The following MAPK7 variants were observed in gnomAD, a reference collection of about 807,000 sequenced individuals.
The protein encoded by MAPK7 is mitogen-activated protein kinase 7.
A neutral mutation model predicts 56.9 loss-of-function variants in MAPK7; 30 were observed. That is an observed-to-expected ratio of 0.53 (90% CI 0.39 to 0.72). MAPK7 has a LOEUF of 0.72. Among genes scored for constraint, MAPK7 ranks in the 30% least tolerant of loss-of-function variants. The pLI is 0.00. For missense variants in MAPK7, 952 were observed against 1,110.8 expected, an observed-to-expected ratio of 0.86 and a Z score of 2.03; for synonymous variants, 516 against 449.3, an observed-to-expected ratio of 1.15 and a Z score of -1.88.
At chr17:19,377,867 C>T, upstream of MAPK7, 1 of 985,400 alleles carries the variant, frequency 1.0e-6, no homozygotes, top group Non-Finnish European at 1.2e-6. Flanking sequence ...ACCTAGAAGC[C>T]AGGAAACCGC....
Position 19,381,875 on chromosome 17 carries a change from G to T in MAPK7, c.1572G>T (p.Arg524=), listed in dbSNP as rs1409964237. The T allele has an allele frequency of 6.4e-7, 1 of 1,574,402 alleles. No individual in the cohort carries two copies. Among genetic ancestry groups the T allele is most frequent in the East Asian group, 2.3e-5 (1 of 43,090 alleles). Residue 524 remains arginine, a synonymous_variant, in exon 5 of 7, where the codon CGG becomes CGT. Coordinates refer to ENST00000395604, the MANE Select transcript of MAPK7 (RefSeq NM_002749.4). This position sits in a 1 kb window ranked among gnomAD's most constrained non-coding sequence, Gnocchi z 4.6. ...AGCGGGAGGAGAAGCGGCGGAGGCG[G>T]CAAGAACGAGCCAAGGAGCGGGAGA... ...QREREEKRRR[R]QERAKEREKR...
At position 19,380,896 on chromosome 17, in the gene MAPK7, G is replaced by A. The variant is rs1181385556; in HGVS notation, c.687G>A (p.Ala229=). The A allele has an allele frequency of 8.7e-6, 14 of 1,614,026 alleles. No individual in the cohort carries two copies. Among genetic ancestry groups the A allele is most frequent in the African/African-American group, 1.3e-5 (1 of 74,922 alleles). The change falls in exon 4 of 7, where the codon GCG becomes GCA. Residue 229 remains alanine (A), a synonymous_variant. Coordinates refer to ENST00000395604, the MANE Select transcript of MAPK7 (RefSeq NM_002749.4). ...TEYVATRWYR[A]PELMLSLHEY... ...ATGTGGCCACGCGCTGGTACCGTGCGCCCGAGCTCATGCTCTCTTTGCATG... is the reference window on the plus strand; with the variant it reads ...ATGTGGCCACGCGCTGGTACCGTGCACCCGAGCTCATGCTCTCTTTGCATG...
At chr17:19,378,156 A>T (rs1247488773), upstream of MAPK7, 1 of 976,674 alleles carries the variant, frequency 1.0e-6, no homozygotes, top group Non-Finnish European at 1.2e-6. The surrounding 1 kb of genome is among the most constrained non-coding windows in gnomAD (Gnocchi z 5.4). Flanking sequence ...AGCTCACGGG[A>T]CTAGCTGTGA....
chr17:19,381,250 G>A lies in MAPK7; in HGVS notation c.1041G>A (p.Leu347=), dbSNP rs1912631739. 6.2e-7 allele frequency: 1 copy of A among 1,613,946 alleles called. No individual in the cohort carries two copies. ...CTGCTGCCCTTCGCCACCCTTTCCT[G>A]GCCAAGTACCATGATCCTGATGATG... ...SAAAALRHPF[L]AKYHDPDDEP... The change falls in exon 4 of 7, where the codon CTG becomes CTA. Residue 347 remains leucine, a synonymous_variant. Coordinates refer to ENST00000395604, the MANE Select transcript of MAPK7 (RefSeq NM_002749.4). The surrounding 1 kb of genome is among the most constrained non-coding windows in gnomAD (Gnocchi z 4.6).
At chr17:19,378,446 C>T (rs1205370675), upstream of MAPK7, 47 of 1,014,486 alleles carry the variant, frequency 4.6e-5, no homozygotes, top group Non-Finnish European at 5.5e-5. This position sits in a 1 kb window ranked among gnomAD's most constrained non-coding sequence, Gnocchi z 5.4. Context: ...CAGCGATTGG[C>T]CAGGAGCTGG....
upstream of MAPK7, chr17:19,378,351 C>G (rs566544947): frequency 3.7e-5 from 37 of 988,858 alleles, no homozygotes; most frequent in African/African-American, 5.2e-4. This position sits in a 1 kb window ranked among gnomAD's most constrained non-coding sequence, Gnocchi z 5.4. Flanking sequence ...TGGACAGCGG[C>G]GCGCGCCAGG....
Position 19,383,461 on chromosome 17 carries a change from TTTA to T in MAPK7, c.*241_*243del, listed in dbSNP as rs902261117. The T allele has an allele frequency of 2.6e-5, 10 of 388,686 alleles. No homozygotes were observed. The highest frequency in any genetic ancestry group is 4.1e-5 in the African/African-American group (2 of 48,238). 24.1% of individuals were successfully genotyped at this position (388,686 alleles called of 1,614,324 possible). A position where few individuals can be genotyped will look rare whatever the true frequency, so the allele number is the denominator to read the frequency against. ...GAACAATCCTTTTCAGTATTATATT[TTTA>T]TTATTATTATGTTATTATTACACTG... On this transcript the variant is annotated 3_prime_UTR_variant, in exon 7 of 7. Coordinates refer to ENST00000395604, the MANE Select transcript of MAPK7 (RefSeq NM_002749.4).
In MAPK7 at chr17:19,381,473, C is replaced by G; in HGVS notation, c.1264C>G (p.Pro422Ala). The change falls in exon 4 of 7, where the codon CCC becomes GCC. Residue 422 changes from proline (P) to alanine (A), a missense_variant. Coordinates refer to ENST00000395604, the MANE Select transcript of MAPK7 (RefSeq NM_002749.4). The surrounding 1 kb of genome is among the most constrained non-coding windows in gnomAD (Gnocchi z 4.6). ...CTGTCCAGATGTTGAAATGCCCAGT[C>G]CCTGGGCTCCCAGTGGGGACTGTGC... ...PGCPDVEMPS[P>A]WAPSGDCAME... The G allele has an allele frequency of 1.9e-6, 3 of 1,614,084 alleles. No individual in the cohort carries two copies. The highest frequency in any genetic ancestry group is 1.7e-6 in the Non-Finnish European group (2 of 1,180,010).
Position 19,380,913 on chromosome 17 carries a change from C to T in MAPK7, c.704C>T (p.Ser235Phe), listed in dbSNP as rs754667613. 6 of 1,614,086 alleles carry T rather than the reference C, an allele frequency of 3.7e-6. No individual in the cohort carries two copies. Among genetic ancestry groups the T allele is most frequent in the East Asian group, 2.2e-5 (1 of 44,900 alleles). The change falls in exon 4 of 7, where the codon TCT becomes TTT. Residue 235 changes from serine to phenylalanine, a missense_variant. By Grantham distance (155) the Ser-to-Phe change is radical. This residue lies in a region of MAPK7 where 429 missense variants were observed against 533.0 expected (regional missense o/e 0.80). Transcript: ENST00000395604. The stretch of plus-strand genomic sequence containing the variant: ...TACCGTGCGCCCGAGCTCATGCTCT[C>T]TTTGCATGAGTATACACAGGCTATT... The part of the protein sequence containing the change: ...RWYRAPELML[S>F]LHEYTQAIDL...
intron 2 of MAPK7, 87 bp from the exon 3 acceptor site, chr17:19,379,695 C>T (rs182896404): frequency 9.7e-5 from 122 of 1,259,126 alleles, no homozygotes; most frequent in Middle Eastern, 6.6e-4. Context: ...CATTTGCATC[C>T]TAGAAGGGAG....
rs1235698924 is a variant in MAPK7 at position 19,380,585 on chromosome 17, TCTCTC to T, written c.399-20_399-16del. ...GAGTGTGATCAGGCCAACCCATGCT[TCTCTC>T]CTTCCTTCCCCTTCCAGCTACGTGG... On this transcript the variant is annotated intron_variant, in intron 3 of 6. Coordinates refer to ENST00000395604, the MANE Select transcript of MAPK7 (RefSeq NM_002749.4). 1.9e-6 allele frequency: 3 copies of T among 1,571,828 alleles called. No individual in the cohort carries two copies. The highest frequency in any genetic ancestry group is 2.4e-5 in the South Asian group (2 of 84,764).
Position 19,380,437 on chromosome 17 carries a change from G to A in MAPK7, c.399-171G>A, listed in dbSNP as rs149698487. On this transcript the variant is annotated intron_variant, in intron 3 of 6. Coordinates refer to ENST00000395604, the MANE Select transcript of MAPK7 (RefSeq NM_002749.4). ...ATTTAACCAAGTTCATGGAAAAGTCGTAGAGAATCTAAAACGTGATGCTCT... is the reference window on the plus strand; with the variant it reads ...ATTTAACCAAGTTCATGGAAAAGTCATAGAGAATCTAAAACGTGATGCTCT... 1.4e-4 allele frequency: 198 copies of A among 1,406,870 alleles called. No individual in the cohort carries two copies. In the African/African-American group the frequency reaches 2.6e-3, roughly 19 times the overall value. 87.1% of individuals were successfully genotyped at this position (1,406,870 alleles called of 1,614,324 possible).
At chr17:19,377,759 C>G, upstream of MAPK7, 1 of 899,386 alleles carries the variant, frequency 1.1e-6, no homozygotes, top group Non-Finnish European at 1.3e-6. Flanking sequence ...CACCCGCGGG[C>G]TCCGCAGAGG....
chr17:19,382,414 T>A lies in MAPK7; in HGVS notation c.2111T>A (p.Met704Lys). The change falls in exon 5 of 7, where the codon ATG becomes AAG. Residue 704 changes from methionine (M) to lysine (K), a missense_variant. Coordinates refer to ENST00000395604, the MANE Select transcript of MAPK7 (RefSeq NM_002749.4). Reference sequence around the variant, plus strand: ...GCCGGGGGAGCCCCTCAGTCTTCCATGTCAGAGTCACCTGATGTCAACCTT... The same window carrying A: ...GCCGGGGGAGCCCCTCAGTCTTCCAAGTCAGAGTCACCTGATGTCAACCTT... ...PDAGGAPQSS[M>K]SESPDVNLVT... 6.2e-7 allele frequency: 1 copy of A among 1,611,820 alleles called. No homozygotes were observed. Among genetic ancestry groups the A allele is most frequent in the East Asian group, 2.2e-5 (1 of 44,866 alleles).
Position 19,382,463 on chromosome 17 carries a change from A to C in MAPK7, c.2160A>C (p.Ser720=). ...VNLVTQQLSK[S]QVEDPLPPVF... ...TTGTGACCCAGCAGCTATCTAAGTC[A>C]CAGGTGAGAGGGAGGCCCAGGCCAT... The change falls in exon 5 of 7, where the codon TCA becomes TCC. Residue 720 remains serine (S), a synonymous_variant. Coordinates refer to ENST00000395604, the MANE Select transcript of MAPK7 (RefSeq NM_002749.4). The C allele has an allele frequency of 6.3e-7, 1 of 1,588,522 alleles. No homozygotes were observed.
chr17:19,382,533 G>A (rs1182856346), intron 5 of MAPK7, 67 bp downstream of exon 5: 15 of 1,515,858 alleles, frequency 9.9e-6, no homozygotes, highest in East Asian at 6.8e-5. Context: ...TTCAGGAAGC[G>A]GTCAGTGTTC....
At chr17:19,378,313 A>G (rs570859580), upstream of MAPK7, 31 of 987,706 alleles carry the variant, frequency 3.1e-5, no homozygotes, top group African/African-American at 4.4e-4. The surrounding 1 kb of genome is among the most constrained non-coding windows in gnomAD (Gnocchi z 5.4). Flanking sequence ...AGTGCCGGGC[A>G]CCCTTTGGGC....
At position 19,378,777 on chromosome 17, in the gene MAPK7, C is replaced by A; in HGVS notation, c.-5-119C>A. 1 of 1,275,604 alleles carries A rather than the reference C, an allele frequency of 7.8e-7. No homozygotes were observed. Among genetic ancestry groups the A allele is most frequent in the Non-Finnish European group, 1.0e-6 (1 of 952,888 alleles). The allele number at this position is 1,275,604 out of a possible 1,614,324, so 79.0% of individuals were successfully genotyped here. On this transcript the variant is annotated intron_variant, in intron 1 of 6. Transcript: ENST00000395604. This position sits in a 1 kb window ranked among gnomAD's most constrained non-coding sequence, Gnocchi z 5.4. ...GCTAGTCTGCCACGAACCAGCCGCG[C>A]GCTTCTGCCCTTGTCGGTTTAGGAA... is the stretch of plus-strand genomic sequence containing the variant.
At chr17:19,379,357 T>C (rs2152290352) in intron 2 of MAPK7, 1 of 595,152 alleles carries the variant, frequency 1.7e-6, no homozygotes, top group Admixed American at 3.0e-5. Flanking sequence ...CTTAGGAAAA[T>C]GATAGTCCCA....
Sources: allele counts gnomAD v4.1 joint callset, GRCh38; gene constraint gnomAD v4.1.1; regional missense constraint gnomAD v4.1.1; non-coding constraint Gnocchi (gnomAD v3.1); transcripts MANE v1.5; gene names NCBI Gene and HGNC (gene_info 2026-07-23, HGNC 2026-07-21).